The following CACNA1C variants were observed in gnomAD, a reference collection of about 807,000 sequenced individuals.
CACNA1C encodes the protein calcium voltage-gated channel subunit alpha1 C.
CACNA1C carries 30 observed loss-of-function variants against 229.0 expected under a neutral mutation model. That is an observed-to-expected ratio of 0.13 (90% CI 0.10 to 0.18). The LOEUF (loss-of-function observed/expected upper bound fraction) is 0.18, where lower values mean the gene tolerates loss of function less well. CACNA1C is among the 10% of genes least tolerant of loss of function. The pLI is 1.00. For synonymous variants in CACNA1C, 1,114 were observed against 1,132.5 expected, an observed-to-expected ratio of 0.98 and a Z score of 0.33; for missense variants, 1,658 against 2,845.0, an observed-to-expected ratio of 0.58 and a Z score of 9.49.
In CACNA1C at chr12:2,605,278, C is replaced by T. The variant is rs1601822507; in HGVS notation, c.3048+110C>T. On this transcript the variant is annotated intron_variant, in intron 23 of 46. Coordinates refer to ENST00000399655, the MANE Select transcript of CACNA1C (RefSeq NM_000719.7). The surrounding 1 kb of genome is among the most constrained non-coding windows in gnomAD (Gnocchi z 6.2). The stretch of plus-strand genomic sequence containing the variant: ...AGATGATGGTCAGACCAAGTGGCTG[C>T]CATGTGGGGTCCCGGACACTGGTCC... 1 of 726,864 alleles carries T rather than the reference C, an allele frequency of 1.4e-6. No individual in the cohort carries two copies. The highest frequency in any genetic ancestry group is 2.6e-5 in the East Asian group (1 of 37,920). The allele number at this position is 726,864 out of a possible 1,614,324, so 45.0% of individuals were successfully genotyped here.
chr12:2,415,593 T>C (rs891960861), intron 3 of CACNA1C, among the ~76,000 whole-genome samples: 1 of 152,064 alleles, frequency 6.6e-6, no homozygotes, highest in Non-Finnish European at 1.5e-5. Flanking sequence ...AGTGACACAC[T>C]CTGTGGCTGC....
At chr12:2,336,417 TG>T (rs1463793909) in intron 3 of CACNA1C, among the ~76,000 whole-genome samples, 1 of 151,894 alleles carries the variant, frequency 6.6e-6, no homozygotes, top group Non-Finnish European at 1.5e-5. Context: ...TGTCCTATTT[TG>T]GGGCCCAGGT....
chr12:2,505,020 A>G, intron 8 of CACNA1C, 75 bp downstream of exon 8: 1 of 811,680 alleles, frequency 1.2e-6, no homozygotes, highest in Non-Finnish European at 2.1e-6. Flanking sequence ...TCCTGGCTGT[A>G]TTCTTTTTCT....
rs1049561298 is a variant in CACNA1C, at chr12:2,181,091, G to T, written c.477+60661G>T. On this transcript the variant is annotated intron_variant, in intron 3 of 46. Coordinates refer to ENST00000399655, the MANE Select transcript of CACNA1C (RefSeq NM_000719.7). This position sits in a 1 kb window ranked among gnomAD's most constrained non-coding sequence, Gnocchi z 4.0. ...ATATCAGACTCAAATGTTTTCTTCT[G>T]GGGGGTTACAGTCTGGGGAAGACCC... Among the ~76,000 whole-genome samples, 6 of 152,120 alleles carry T rather than the reference G, an allele frequency of 3.9e-5. No homozygotes were observed. The highest frequency in any genetic ancestry group is 2.1e-4 in the South Asian group (1 of 4,818).
intron 1 of CACNA1C, among the ~76,000 whole-genome samples, chr12:1,979,659 G>A (rs535016846): frequency 8.3e-4 from 126 of 152,344 alleles, no homozygotes; most frequent in Non-Finnish European, 1.6e-3. Flanking sequence ...TGGATCATAC[G>A]CTAGTTATAT....
At chr12:1,975,018 A>G (rs1451254822) in intron 1 of CACNA1C, among the ~76,000 whole-genome samples, 1 of 152,168 alleles carries the variant, frequency 6.6e-6, no homozygotes, top group East Asian at 1.9e-4. Flanking sequence ...TGCTGAAAAT[A>G]GCCTAACTAT....
intron 1 of CACNA1C, among the ~76,000 whole-genome samples, chr12:2,103,554 T>C (rs1213556650): frequency 6.6e-6 from 1 of 152,242 alleles, no homozygotes; most frequent in Non-Finnish European, 1.5e-5. Flanking sequence ...ATAATTTCTT[T>C]TGGTGTGCAG....
chr12:2,137,224 C>T (rs1378629036), intron 3 of CACNA1C, among the ~76,000 whole-genome samples: 4 of 151,356 alleles, frequency 2.6e-5, no homozygotes, highest in Non-Finnish European at 5.9e-5. Flanking sequence ...GCTGCATGTC[C>T]TAGCCCTGGG....
chr12:2,102,251 A>G (rs994690257), intron 1 of CACNA1C, among the ~76,000 whole-genome samples: 2 of 152,250 alleles, frequency 1.3e-5, no homozygotes, highest in African/African-American at 4.8e-5. Context: ...AGTTCTGTAA[A>G]AGAACTTCCA....
intron 3 of CACNA1C, among the ~76,000 whole-genome samples, chr12:2,362,592 A>G: frequency 6.6e-6 from 1 of 152,220 alleles, no homozygotes; most frequent in East Asian, 1.9e-4. Context: ...CAGCTGGACC[A>G]TAATCCTCCT....
chr12:2,390,186 G>A lies in CACNA1C; in HGVS notation c.478-58790G>A, dbSNP rs574709202. Among the ~76,000 whole-genome samples the A allele has an allele frequency of 8.5e-5, 13 of 152,220 alleles. No individual in the cohort carries two copies. In the East Asian group the frequency reaches 9.7e-4, roughly 11 times the overall value. On this transcript the variant is annotated intron_variant, in intron 3 of 46. Transcript: ENST00000399655. Reference sequence around the variant, plus strand: ...CAAGCCCAGCCCTTATGACTAGGGCGACCATGTAATTTTGCATTCAAACAG... The same window carrying A: ...CAAGCCCAGCCCTTATGACTAGGGCAACCATGTAATTTTGCATTCAAACAG...
At chr12:2,335,850 C>A (rs541040306) in intron 3 of CACNA1C, among the ~76,000 whole-genome samples, 2 of 151,922 alleles carry the variant, frequency 1.3e-5, no homozygotes, top group East Asian at 3.9e-4. Context: ...CCAGAATTGT[C>A]AAGAATACTT....
chr12:2,094,734 C>T (rs767684914), intron 1 of CACNA1C, among the ~76,000 whole-genome samples: 1 of 152,204 alleles, frequency 6.6e-6, no homozygotes, highest in East Asian at 1.9e-4. Flanking sequence ...GAGGGAGAGC[C>T]GACCAGGAAG....
At chr12:2,576,563 G>T (rs1292534283) in intron 13 of CACNA1C, among the ~76,000 whole-genome samples, 2 of 152,138 alleles carry the variant, frequency 1.3e-5, no homozygotes, top group African/African-American at 4.8e-5. Flanking sequence ...GAGGAAAAAA[G>T]CTTCAGCTGA....
chr12:2,382,150 ACGGT>A (rs2098265385), intron 3 of CACNA1C, among the ~76,000 whole-genome samples: 1 of 152,200 alleles, frequency 6.6e-6, no homozygotes, highest in Non-Finnish European at 1.5e-5. Context: ...GAAATTTCTC[ACGGT>A]ATTCCTTCGC....
intron 39 of CACNA1C, among the ~76,000 whole-genome samples, chr12:2,675,249 T>C (rs1325659333): frequency 6.6e-6 from 1 of 152,226 alleles, no homozygotes; most frequent in Non-Finnish European, 1.5e-5. Flanking sequence ...ATAAAATCTA[T>C]TAAAAGCAGA....
intron 29 of CACNA1C, among the ~76,000 whole-genome samples, 173 bp from the exon 30 acceptor site, chr12:2,634,124 G>C (rs185904124): frequency 6.6e-6 from 1 of 151,886 alleles, no homozygotes; most frequent in Admixed American, 6.5e-5. Flanking sequence ...AGTGGTAAGA[G>C]AGTGTTTAAT....
rs1380138008 is a variant in CACNA1C, at chr12:2,108,325, A to G, written c.50-6899A>G. The stretch of plus-strand genomic sequence containing the variant: ...GCTGCAGAACAGGCCCCCCGAGGGA[A>G]CTGCGGTTCGGGTACAATTATGAGG... On this transcript the variant is annotated intron_variant, in intron 1 of 46. Coordinates refer to ENST00000399655, the MANE Select transcript of CACNA1C (RefSeq NM_000719.7). The surrounding 1 kb of genome is among the most constrained non-coding windows in gnomAD (Gnocchi z 5.3). Among the ~76,000 whole-genome samples the G allele has an allele frequency of 6.6e-6, 1 of 152,174 alleles. No individual in the cohort carries two copies. The highest frequency in any genetic ancestry group is 1.5e-5 in the Non-Finnish European group (1 of 68,018).
At position 2,108,509 on chromosome 12, in the gene CACNA1C, T is replaced by C. The variant is rs1157398546; in HGVS notation, c.50-6715T>C. ...GACGTAGTTTTGATTCAGTTCTTGA[T>C]TGGCAAAAGTTGTGTCAGGAATTCT... On this transcript the variant is annotated intron_variant, in intron 1 of 46. Transcript: ENST00000399655. This position sits in a 1 kb window ranked among gnomAD's most constrained non-coding sequence, Gnocchi z 5.3. Among the ~76,000 whole-genome samples, 1 of 152,192 alleles carries C rather than the reference T, an allele frequency of 6.6e-6. No homozygotes were observed. Among genetic ancestry groups the C allele is most frequent in the Admixed American group, 6.5e-5 (1 of 15,278 alleles).
Sources: gnomAD v4.1 joint callset for allele counts (sites outside exome capture counted in the v4.1 genomes callset) on GRCh38, gnomAD v4.1.1 for gene constraint, Gnocchi (gnomAD v3.1) non-coding constraint, MANE v1.5 for transcripts, NCBI Gene and HGNC (gene_info 2026-07-23, HGNC 2026-07-21) for gene names.